The following SLC25A21 variants were observed in gnomAD, a reference collection of about 807,000 sequenced individuals.
The protein encoded by SLC25A21 is mitochondrial 2-oxodicarboxylate carrier.
In SLC25A21, 47 loss-of-function variants were observed where a neutral mutation model predicts 43.8. That is an observed-to-expected ratio of 1.07 (90% CI 0.85 to 1.37). The LOEUF (loss-of-function observed/expected upper bound fraction) is 1.37, where lower values mean the gene tolerates loss of function less well. SLC25A21 is among the 40% of genes most tolerant of loss of function. The pLI is 0.00. For synonymous variants in SLC25A21, 131 were observed against 121.3 expected, an observed-to-expected ratio of 1.08 and a Z score of -0.52; for missense variants, 352 against 350.2, an observed-to-expected ratio of 1.00 and a Z score of -0.04.
At chr14:37,017,673 G>T (rs1161325352) in intron 1 of SLC25A21, among the ~76,000 whole-genome samples, 8 of 152,014 alleles carry the variant, frequency 5.3e-5, no homozygotes, top group Non-Finnish European at 8.8e-5. Context: ...AATGAAGTAT[G>T]CCTGTATCTG....
chr14:37,022,541 CA>C (rs1961008977), intron 1 of SLC25A21, among the ~76,000 whole-genome samples: 1 of 151,900 alleles, frequency 6.6e-6, no homozygotes, highest in Non-Finnish European at 1.5e-5. Context: ...AACCTCTTAG[CA>C]AAGTTCTTCC....
intron 2 of SLC25A21, among the ~76,000 whole-genome samples, chr14:36,869,417 G>A (rs575207693): frequency 3.4e-5 from 4 of 118,826 alleles, no homozygotes; most frequent in East Asian, 4.4e-4. Context: ...GCAAGATTTC[G>A]GATGGAGGAA....
intron 1 of SLC25A21, among the ~76,000 whole-genome samples, chr14:37,133,145 A>G (rs1017740509): frequency 7.0e-5 from 8 of 115,010 alleles, no homozygotes; most frequent in East Asian, 2.0e-4. Flanking sequence ...GCACTCGTGC[A>G]CACACACACA....
At chr14:36,731,427 A>G (rs1163908138) in intron 4 of SLC25A21, among the ~76,000 whole-genome samples, 1 of 152,222 alleles carries the variant, frequency 6.6e-6, no homozygotes, top group African/African-American at 2.4e-5. Flanking sequence ...ACTCTCAGGA[A>G]CACAAAACTT....
intron 6 of SLC25A21, among the ~76,000 whole-genome samples, chr14:36,712,883 A>AT (rs143062363): frequency 1.3e-5 from 2 of 152,144 alleles, no homozygotes; most frequent in East Asian, 1.9e-4. Flanking sequence ...CCAAATCATT[A>AT]TTTTTTGGTT....
At chr14:36,957,866 T>C (rs1031739374) in intron 1 of SLC25A21, among the ~76,000 whole-genome samples, 19 of 152,256 alleles carry the variant, frequency 1.2e-4, no homozygotes, top group African/African-American at 4.6e-4. Flanking sequence ...CTTATAATGA[T>C]ATTCATTTAT....
At chr14:37,039,281 A>G (rs1961393657) in intron 1 of SLC25A21, among the ~76,000 whole-genome samples, 1 of 152,204 alleles carries the variant, frequency 6.6e-6, no homozygotes, top group Non-Finnish European at 1.5e-5. Flanking sequence ...CATGCAACAG[A>G]CTGCATATAT....
At chr14:37,014,653 T>A (rs1960806376) in intron 1 of SLC25A21, among the ~76,000 whole-genome samples, 1 of 152,194 alleles carries the variant, frequency 6.6e-6, no homozygotes, top group South Asian at 2.1e-4. Context: ...GCATTCAGAA[T>A]GATAAATTCT....
At chr14:37,112,800 C>T (rs1257739885) in intron 1 of SLC25A21, among the ~76,000 whole-genome samples, 1 of 152,158 alleles carries the variant, frequency 6.6e-6, no homozygotes, top group East Asian at 1.9e-4. Context: ...AAGGGAAAAA[C>T]AGAAGTAACA....
intron 4 of SLC25A21, among the ~76,000 whole-genome samples, chr14:36,731,895 G>A (rs1017109749): frequency 6.6e-6 from 1 of 152,090 alleles, no homozygotes; most frequent in Non-Finnish European, 1.5e-5. Flanking sequence ...AGTCCCCTGG[G>A]CTCTGCCTCA....
In SLC25A21 at chr14:36,680,071, A is replaced by G; in HGVS notation, c.*587T>C. 1.2e-6 allele frequency: 1 copy of G among 866,210 alleles called. No homozygotes were observed. The highest frequency in any genetic ancestry group is 1.8e-5 in the African/African-American group (1 of 54,390). 53.7% of individuals were successfully genotyped at this position (866,210 alleles called of 1,614,324 possible). A position where few individuals can be genotyped will look rare whatever the true frequency, so the allele number is the denominator to read the frequency against. Reference sequence around the variant, plus strand: ...TAGAGCTGATATGTGCATAGTTACTAAAAAAAACCAACAGATTTACATTTT... The same window carrying G: ...TAGAGCTGATATGTGCATAGTTACTGAAAAAAACCAACAGATTTACATTTT... On this transcript the variant is annotated 3_prime_UTR_variant, in exon 10 of 10. Coordinates refer to ENST00000331299, the MANE Select transcript of SLC25A21 (RefSeq NM_030631.4).
At chr14:36,786,133 A>G (rs927878203) in intron 3 of SLC25A21, among the ~76,000 whole-genome samples, 2 of 152,180 alleles carry the variant, frequency 1.3e-5, no homozygotes, top group Non-Finnish European at 2.9e-5. Flanking sequence ...TTTATTAGCT[A>G]TGGGACCTTG....
At chr14:36,922,135 C>CT (rs1290917923) in intron 1 of SLC25A21, among the ~76,000 whole-genome samples, 6 of 121,052 alleles carry the variant, frequency 5.0e-5, no homozygotes, top group Non-Finnish European at 9.4e-5. Flanking sequence ...CGAGATTCTG[C>CT]CTAAAAAAAA....
intron 7 of SLC25A21, among the ~76,000 whole-genome samples, chr14:36,708,703 T>C (rs891291087): frequency 4.6e-5 from 7 of 151,468 alleles, no homozygotes; most frequent in Admixed American, 2.6e-4. Context: ...TGCAGAGTAG[T>C]TGGGACTACA....
intron 1 of SLC25A21, among the ~76,000 whole-genome samples, chr14:36,895,478 T>C (rs1176053481): frequency 2.6e-5 from 4 of 152,216 alleles, no homozygotes; most frequent in African/African-American, 9.6e-5. Flanking sequence ...TTGTTGATCT[T>C]TTCAAAAAAC....
chr14:37,077,434 C>G (rs1007048794), intron 1 of SLC25A21, among the ~76,000 whole-genome samples: 1 of 152,136 alleles, frequency 6.6e-6, no homozygotes, highest in Admixed American at 6.5e-5. Flanking sequence ...ACTACCTTCA[C>G]ACTAGATTAT....
chr14:36,939,265 G>C, intron 1 of SLC25A21, among the ~76,000 whole-genome samples: 1 of 151,982 alleles, frequency 6.6e-6, no homozygotes. Flanking sequence ...TCGGGTTGGG[G>C]GAGCAGTTTG....
At chr14:36,913,118 G>A (rs1055176904) in intron 1 of SLC25A21, among the ~76,000 whole-genome samples, 2 of 152,032 alleles carry the variant, frequency 1.3e-5, no homozygotes, top group Admixed American at 6.6e-5. Context: ...CATTTCAAAG[G>A]TGTTTAACTT....
At chr14:36,870,483 G>A (rs745691831) in intron 2 of SLC25A21, 3 of 152,138 alleles carry the variant, frequency 2.0e-5, no homozygotes, top group Non-Finnish European at 4.4e-5. Context: ...CAGAGAAGAT[G>A]GCATCCGGCC....
Sources: allele counts gnomAD v4.1 joint callset (sites outside exome capture counted in the v4.1 genomes callset), GRCh38; gene constraint gnomAD v4.1.1; transcripts MANE v1.5; gene names NCBI Gene and HGNC (gene_info 2026-07-23, HGNC 2026-07-21).